Variants in SPACA7 observed in about 807,000 individuals in gnomAD.
SPACA7 encodes the protein sperm acrosome-associated protein 7.
A neutral mutation model predicts 26.3 loss-of-function variants in SPACA7; 19 were observed. That is an observed-to-expected ratio of 0.72 (90% CI 0.50 to 1.06). The LOEUF is 1.06. Among genes scored for constraint, SPACA7 ranks in the 50% least tolerant of loss-of-function variants. The pLI is 0.00. For missense variants in SPACA7, 211 were observed against 229.9 expected (o/e 0.92, Z 0.53); for synonymous variants, 84 against 84.5 (o/e 0.99, Z 0.04).
intron 4 of SPACA7, among the ~76,000 whole-genome samples, chr13:112,399,542 G>T (rs997109802): frequency 6.6e-6 from 1 of 152,244 alleles, no homozygotes; most frequent in Non-Finnish European, 1.5e-5. Flanking sequence ...GAGCCAGAGT[G>T]CCCCCAGGGG....
chr13:112,399,275 A>G (rs576582103), intron 4 of SPACA7, 102 bp downstream of exon 4: 1 of 732,246 alleles, frequency 1.4e-6, no homozygotes, highest in Admixed American at 2.0e-5. Flanking sequence ...TGGAGGATAA[A>G]CCCTTGGTGG....
chr13:112,383,181 G>GAAAGA (rs1884304718), intron 1 of SPACA7, among the ~76,000 whole-genome samples: 2 of 120,868 alleles, frequency 1.7e-5, no homozygotes, highest in Non-Finnish European at 3.4e-5. Context: ...AAGAAAGAAA[G>GAAAGA]AAAGAAAGAA....
intron 5 of SPACA7, among the ~76,000 whole-genome samples, chr13:112,404,782 A>C (rs1357307071): frequency 6.6e-6 from 1 of 152,012 alleles, no homozygotes. Context: ...CTATGTGCCT[A>C]TTTTTATACT....
Position 112,385,885 on chromosome 13 carries a change from G to A in SPACA7, c.95-7136G>A, listed in dbSNP as rs562056718. On this transcript the variant is annotated intron_variant, in intron 1 of 6. Coordinates refer to ENST00000283550, the MANE Select transcript of SPACA7 (RefSeq NM_145248.5). ...TATAAATAGACAGACAAAAGATTCA[G>A]CACTTGTAAGATTTTTCATTGGCCA... Among the ~76,000 whole-genome samples, 31 of 152,272 alleles carry A rather than the reference G, an allele frequency of 2.0e-4. No homozygotes were observed. The South Asian group carries it at 6.4e-3, about 32-fold the overall frequency.
chr13:112,428,787 T>A (rs2139074815), intron 5 of SPACA7, among the ~76,000 whole-genome samples: 1 of 152,348 alleles, frequency 6.6e-6, no homozygotes, highest in South Asian at 2.1e-4. Context: ...TAGCAAATAT[T>A]CCAAGTGTTC....
At chr13:112,409,386 G>A (rs1374790404) in intron 5 of SPACA7, among the ~76,000 whole-genome samples, 1 of 152,096 alleles carries the variant, frequency 6.6e-6, no homozygotes, top group Non-Finnish European at 1.5e-5. Context: ...AAACTAAAGA[G>A]CTTCTGCACA....
intron 2 of SPACA7, among the ~76,000 whole-genome samples, chr13:112,396,882 C>T (rs1311150477): frequency 6.6e-6 from 1 of 152,200 alleles, no homozygotes; most frequent in Non-Finnish European, 1.5e-5. Context: ...TCCACAGTGC[C>T]AGACACCTCG....
At position 112,419,033 on chromosome 13, in the gene SPACA7, C is replaced by A. The variant is rs527950067; in HGVS notation, c.446-13411C>A. ...GTGAGACTCCATTTAAAAAAAAAAA[C>A]AAAAAACAATGCTACGCTACTCTCA... is the stretch of plus-strand genomic sequence containing the variant. On this transcript the variant is annotated intron_variant, in intron 5 of 6. Coordinates refer to ENST00000283550, the MANE Select transcript of SPACA7 (RefSeq NM_145248.5). Among the ~76,000 whole-genome samples the A allele has an allele frequency of 8.1e-3, 1,203 of 149,194 alleles. 27 individuals carry two copies. The highest frequency in any genetic ancestry group is 0.05 in the Admixed American group (752 of 15,020).
At chr13:112,409,188 T>A (rs1886185113) in intron 5 of SPACA7, among the ~76,000 whole-genome samples, 3 of 152,144 alleles carry the variant, frequency 2.0e-5, no homozygotes, top group South Asian at 4.1e-4. Context: ...CTGGATCCCC[T>A]CCTTATACCT....
In SPACA7 at chr13:112,382,524, C is replaced by A. The variant is rs768072372; in HGVS notation, c.94+6045C>A. Reference sequence around the variant, plus strand: ...AACCCCAAGGTGAGAACAGTGGAACCGTTTTGCAACTATCTGGGCGACACA... The same window carrying A: ...AACCCCAAGGTGAGAACAGTGGAACAGTTTTGCAACTATCTGGGCGACACA... On this transcript the variant is annotated intron_variant, in intron 1 of 6. Coordinates refer to ENST00000283550, the MANE Select transcript of SPACA7 (RefSeq NM_145248.5). The A allele has an allele frequency of 1.1e-5, 17 of 1,548,858 alleles. No homozygotes were observed. In the East Asian group the frequency reaches 1.5e-4, roughly 13 times the overall value.
At chr13:112,415,867 C>A (rs1263513213) in intron 5 of SPACA7, among the ~76,000 whole-genome samples, 2 of 152,104 alleles carry the variant, frequency 1.3e-5, no homozygotes, top group Non-Finnish European at 2.9e-5. Flanking sequence ...CTCCTCTGGC[C>A]TGGGGTGGGT....
chr13:112,380,847 T>C (rs1467597195), intron 1 of SPACA7, among the ~76,000 whole-genome samples: 1 of 152,264 alleles, frequency 6.6e-6, no homozygotes, highest in Non-Finnish European at 1.5e-5. Flanking sequence ...ATGTTGATTA[T>C]GTTGATTACA....
intron 1 of SPACA7, chr13:112,378,844 T>C (rs1390166257): frequency 2.0e-5 from 9 of 442,220 alleles, no homozygotes; most frequent in Admixed American, 1.3e-4. Flanking sequence ...CTTGGTAATA[T>C]GACCAATGTT....
At position 112,399,037 on chromosome 13, in the gene SPACA7, C is replaced by A. The variant is rs564736259; in HGVS notation, c.242-29C>A. ...ACCTGTGTAATCAAGAAAACTTTTC[C>A]CCATTTTTTTCCATGTTCTTCATTG... On this transcript the variant is annotated intron_variant, in intron 3 of 6. Transcript: ENST00000283550. The A allele has an allele frequency of 4.2e-6, 6 of 1,422,884 alleles. No individual in the cohort carries two copies. In the African/African-American group the frequency reaches 4.2e-5, roughly 10 times the overall value. The allele number at this position is 1,422,884 out of a possible 1,614,324, so 88.1% of individuals were successfully genotyped here. A position where few individuals can be genotyped will look rare whatever the true frequency, so the allele number is the denominator to read the frequency against.
At chr13:112,380,361 C>G (rs368584425) in intron 1 of SPACA7, among the ~76,000 whole-genome samples, 2 of 146,566 alleles carry the variant, frequency 1.4e-5, no homozygotes, top group Non-Finnish European at 3.0e-5. Context: ...GCCAAGATCA[C>G]GCCATTGCAC....
intron 5 of SPACA7, among the ~76,000 whole-genome samples, chr13:112,411,172 TA>T (rs58713595): frequency 0.12 from 17,868 of 147,708 alleles, 2,530 homozygotes; most frequent in African/African-American, 0.33. Context: ...CTTTAAATTA[TA>T]AAAAAAAAAA....
intron 5 of SPACA7, among the ~76,000 whole-genome samples, chr13:112,413,783 T>C (rs1159762662): frequency 6.6e-6 from 1 of 152,216 alleles, no homozygotes; most frequent in Non-Finnish European, 1.5e-5. Context: ...TGACTGTATA[T>C]TTTTAAATGG....
At chr13:112,388,818 G>T (rs764558431) in intron 1 of SPACA7, among the ~76,000 whole-genome samples, 1 of 152,140 alleles carries the variant, frequency 6.6e-6, no homozygotes, top group Non-Finnish European at 1.5e-5. Flanking sequence ...CTTGGTGGGT[G>T]GGGGGAAGCC....
chr13:112,432,707 T>A (rs1249258644), intron 6 of SPACA7, among the ~76,000 whole-genome samples, 186 bp downstream of exon 6: 1 of 152,156 alleles, frequency 6.6e-6, no homozygotes, highest in East Asian at 1.9e-4. Flanking sequence ...ACAAGTCCAA[T>A]TCAAGGAGTC....
Sources: allele counts gnomAD v4.1 joint callset (sites outside exome capture counted in the v4.1 genomes callset), GRCh38; gene constraint gnomAD v4.1.1; transcripts MANE v1.5; gene names NCBI Gene and HGNC (gene_info 2026-07-23, HGNC 2026-07-21).